The following PPFIA2 variants were observed in gnomAD, a reference collection of about 807,000 sequenced individuals.
PPFIA2 encodes the protein PPFI scaffold protein A2, also known as liprin-alpha-2.
In PPFIA2, 46 loss-of-function variants were observed where a neutral mutation model predicts 175.5. The ratio of observed to expected loss-of-function variants is 0.26; its 90% CI spans 0.21 to 0.34. The LOEUF (loss-of-function observed/expected upper bound fraction) is 0.34. Ranked by LOEUF, PPFIA2 falls within the 10% of genes least tolerant of loss-of-function variation. The probability of loss-of-function intolerance (pLI) is 1.00; values close to 1 mark genes in which losing one functional copy is unlikely to be tolerated. For missense variants in PPFIA2, 1,179 were observed against 1,506.1 expected (o/e 0.78, Z 3.60); for synonymous variants, 568 against 511.4 (o/e 1.11, Z -1.49).
chr12:81,704,926 A>G (rs1208350208), intron 3 of PPFIA2, among the ~76,000 whole-genome samples: 3 of 151,206 alleles, frequency 2.0e-5, no homozygotes, highest in Non-Finnish European at 3.0e-5. Flanking sequence ...TCTACTAAAA[A>G]TACAAAAATT....
chr12:81,527,579 C>G (rs2063881174), intron 4 of PPFIA2, among the ~76,000 whole-genome samples: 1 of 152,092 alleles, frequency 6.6e-6, no homozygotes, highest in African/African-American at 2.4e-5. Flanking sequence ...CCTTCTCAGG[C>G]AAGCCTTTCC....
At chr12:81,663,291 C>T (rs1396181416) in intron 4 of PPFIA2, among the ~76,000 whole-genome samples, 1 of 152,122 alleles carries the variant, frequency 6.6e-6, no homozygotes, top group East Asian at 1.9e-4. Flanking sequence ...TAGAAAACCC[C>T]ATCGTCTCAG....
intron 3 of PPFIA2, among the ~76,000 whole-genome samples, chr12:81,716,607 G>A (rs1015903123): frequency 2.7e-5 from 4 of 150,888 alleles, no homozygotes; most frequent in African/African-American, 7.3e-5. Flanking sequence ...TCTTCACACT[G>A]TCGGTGGAAA....
At chr12:81,427,939 C>T (rs1309469216) in intron 7 of PPFIA2, among the ~76,000 whole-genome samples, 1 of 151,876 alleles carries the variant, frequency 6.6e-6, no homozygotes, top group Non-Finnish European at 1.5e-5. Context: ...TAAATGATAG[C>T]TCTATAATTC....
intron 5 of PPFIA2, among the ~76,000 whole-genome samples, chr12:81,450,223 C>G (rs957595643): frequency 7.9e-5 from 12 of 152,170 alleles, no homozygotes; most frequent in African/African-American, 2.9e-4. Flanking sequence ...ACACTGTCTT[C>G]CACAACGGTT....
At chr12:81,389,818 A>G (rs1472162967) in intron 8 of PPFIA2, among the ~76,000 whole-genome samples, 5 of 152,122 alleles carry the variant, frequency 3.3e-5, no homozygotes, top group African/African-American at 4.8e-5. Context: ...ACACGCCATA[A>G]AACGCACCCT....
At chr12:81,513,088 A>G (rs1312268645) in intron 4 of PPFIA2, among the ~76,000 whole-genome samples, 2 of 152,084 alleles carry the variant, frequency 1.3e-5, no homozygotes, top group Non-Finnish European at 2.9e-5. Flanking sequence ...AAAGTGGGCA[A>G]AGGACATGAA....
chr12:81,611,995 T>C (rs1376110172), intron 4 of PPFIA2, among the ~76,000 whole-genome samples: 2 of 152,138 alleles, frequency 1.3e-5, no homozygotes, highest in African/African-American at 4.8e-5. Context: ...TCAGGTACCC[T>C]AAGTAGGGCT....
chr12:81,523,857 T>C (rs1488727340), intron 4 of PPFIA2, among the ~76,000 whole-genome samples: 5 of 152,206 alleles, frequency 3.3e-5, no homozygotes, highest in South Asian at 2.1e-4. Flanking sequence ...TCTACTACCA[T>C]GGTTAATGAA....
At chr12:81,422,204 A>T (rs560780722) in intron 7 of PPFIA2, among the ~76,000 whole-genome samples, 1 of 151,220 alleles carries the variant, frequency 6.6e-6, no homozygotes, top group East Asian at 1.9e-4. Context: ...GATGAAAACG[A>T]GAAACAAGGT....
At chr12:81,418,412 T>C (rs2045687651) in intron 7 of PPFIA2, among the ~76,000 whole-genome samples, 1 of 151,978 alleles carries the variant, frequency 6.6e-6, no homozygotes, top group Admixed American at 6.6e-5. Flanking sequence ...TCTGTTTTTG[T>C]CAGACCTGCA....
intron 4 of PPFIA2, among the ~76,000 whole-genome samples, chr12:81,665,860 A>G (rs1411733660): frequency 6.6e-6 from 1 of 152,042 alleles, no homozygotes; most frequent in African/African-American, 2.4e-5. Context: ...TTTGCAATCT[A>G]CTCATCTGAC....
At chr12:81,666,012 G>GC in intron 4 of PPFIA2, among the ~76,000 whole-genome samples, 1 of 152,210 alleles carries the variant, frequency 6.6e-6, no homozygotes, top group Admixed American at 6.5e-5. Context: ...ATGAAAAAAT[G>GC]CTCATCATCA....
chr12:81,318,415 A>T (rs918463646), intron 22 of PPFIA2, among the ~76,000 whole-genome samples: 2 of 151,778 alleles, frequency 1.3e-5, no homozygotes, highest in African/African-American at 4.8e-5. Context: ...TAGGAGCTAC[A>T]GGTAAATTAT....
intron 3 of PPFIA2, among the ~76,000 whole-genome samples, chr12:81,696,100 C>A (rs1367817977): frequency 1.3e-5 from 2 of 152,098 alleles, no homozygotes; most frequent in Non-Finnish European, 2.9e-5. Flanking sequence ...AGATGTGTAA[C>A]CTTGGGCTAG....
chr12:81,408,749 T>C (rs1197462700), intron 7 of PPFIA2, among the ~76,000 whole-genome samples: 3 of 152,202 alleles, frequency 2.0e-5, no homozygotes, highest in African/African-American at 7.2e-5. Flanking sequence ...TTTCAACCAC[T>C]AACATGCAAA....
intron 30 of PPFIA2, among the ~76,000 whole-genome samples, chr12:81,264,616 A>G (rs2136188345): frequency 6.6e-6 from 1 of 152,326 alleles, no homozygotes; most frequent in Non-Finnish European, 1.5e-5. Context: ...TCTATAAGGT[A>G]GGCTTTGTAG....
intron 16 of PPFIA2, among the ~76,000 whole-genome samples, chr12:81,357,488 T>G (rs2141074056): frequency 6.6e-6 from 1 of 152,300 alleles, no homozygotes; most frequent in Non-Finnish European, 1.5e-5. Flanking sequence ...ACAAACAGCT[T>G]GCAAATTTTA....
intron 4 of PPFIA2, among the ~76,000 whole-genome samples, chr12:81,663,891 T>G (rs1332339347): frequency 6.6e-6 from 1 of 152,154 alleles, no homozygotes; most frequent in Non-Finnish European, 1.5e-5. Flanking sequence ...GCCACACATC[T>G]ACAACCATCT....
Sources: allele counts gnomAD v4.1 joint callset (sites outside exome capture counted in the v4.1 genomes callset), GRCh38; gene constraint gnomAD v4.1.1; transcripts MANE v1.5; gene names NCBI Gene and HGNC (gene_info 2026-07-23, HGNC 2026-07-21).